Variants in FER1L5 observed in about 807,000 individuals in gnomAD.
FER1L5 encodes fer-1-like protein 5.
In FER1L5, 187 loss-of-function variants were observed where a neutral mutation model predicts 279.9. The ratio of observed to expected loss-of-function variants is 0.67; its 90% CI spans 0.59 to 0.75. FER1L5 has a LOEUF of 0.75. Among genes scored for constraint, FER1L5 ranks in the 30% least tolerant of loss-of-function variants. The pLI, the probability that FER1L5 is intolerant of heterozygous loss-of-function variation, is 0.00. For synonymous variants in FER1L5, 921 were observed against 989.7 expected (o/e 0.93, Z 1.30); for missense variants, 2,091 against 2,594.4 (o/e 0.81, Z 4.21).
In FER1L5 at chr2:96,702,322, A is replaced by T; in HGVS notation, c.5176A>T (p.Ile1726Phe). Reference protein sequence around the residue: ...RKPKRYELRCIIWKTANVDLV... With the variant: ...RKPKRYELRCFIWKTANVDLV... ...TGGCCACAGGTATGAGCTGCGATGC[A>T]TCATCTGGAAGACTGCCAATGTGGA... The change falls in exon 47 of 53, where the codon ATC becomes TTC. Residue 1726 changes from isoleucine to phenylalanine, a missense_variant. Physicochemically the swap from Ile to Phe is conservative, Grantham distance 21. Coordinates refer to ENST00000624922, the MANE Select transcript of FER1L5 (RefSeq NM_001293083.2). The surrounding 1 kb of genome is among the most constrained non-coding windows in gnomAD (Gnocchi z 4.0). The T allele has an allele frequency of 6.2e-7, 1 of 1,612,420 alleles. No homozygotes were observed. Among genetic ancestry groups the T allele is most frequent in the South Asian group, 1.1e-5 (1 of 90,530 alleles).
At chr2:96,703,498 T>C in intron 50 of FER1L5, 25 bp from the exon 51 acceptor site, 1 of 1,612,764 alleles carries the variant, frequency 6.2e-7, no homozygotes, top group East Asian at 2.2e-5. Context: ...GCACTCAGCC[T>C]CCCCCTCACC....
intron 44 of FER1L5, 31 bp from the exon 45 acceptor site, chr2:96,700,301 A>C (rs1205707496): frequency 6.2e-7 from 1 of 1,609,856 alleles, no homozygotes. Context: ...ATGACCTCGC[A>C]ATCCCCTCCT....
chr2:96,686,347 A>G lies in FER1L5; in HGVS notation c.2226A>G (p.Leu742=), dbSNP rs1334481290. The G allele has an allele frequency of 6.4e-7, 1 of 1,550,518 alleles. No homozygotes were observed. The highest frequency in any genetic ancestry group is 8.7e-7 in the Non-Finnish European group (1 of 1,146,514). Residue 742 remains leucine, a synonymous_variant, in exon 23 of 53, where the codon CTA becomes CTG. Coordinates refer to ENST00000624922, the MANE Select transcript of FER1L5 (RefSeq NM_001293083.2). ...RLCGKIQTLF[L]QYPEGEGQKD... is the part of the protein sequence containing the mutation. ...GTGGGAAGATACAGACACTCTTCCT[A>G]CAGGTGGGAATCAGGGACTCCTCAG... is the stretch of plus-strand genomic sequence containing the variant.
At position 96,691,806 on chromosome 2, in the gene FER1L5, G is replaced by A. The variant is rs979622286; in HGVS notation, c.3076-19G>A. 1.3e-6 allele frequency: 2 copies of A among 1,551,666 alleles called. No homozygotes were observed. Among genetic ancestry groups the A allele is most frequent in the Non-Finnish European group, 1.7e-6 (2 of 1,146,990 alleles). ...GGAGCAGCACCCAAGAGCCTCAGGG[G>A]AGACTGTCCTGGGTACAGGCTATGG... On this transcript the variant is annotated intron_variant, in intron 29 of 52. Transcript: ENST00000624922. The surrounding 1 kb of genome is among the most constrained non-coding windows in gnomAD (Gnocchi z 6.0).
rs916437324 is a variant in FER1L5 at position 96,704,484 on chromosome 2, G to A, written c.5966G>A (p.Ser1989Asn). 5.6e-6 allele frequency: 9 copies of A among 1,613,810 alleles called. No homozygotes were observed. The African/African-American group carries it at 9.4e-5, about 17-fold the overall frequency. ...TCTCTCTAGCACTATTTGGCCATGA[G>A]CTGGATCAAACCTCAACTTCAGCTG... is the stretch of plus-strand genomic sequence containing the variant. ...IYSAPHYLAMSWIKPQLQLYP... is the reference protein window; with the variant it reads ...IYSAPHYLAMNWIKPQLQLYP... The change falls in exon 53 of 53, where the codon AGC becomes AAC. Residue 1989 changes from serine (S) to asparagine (N), a missense_variant. By Grantham distance (46) the Ser-to-Asn change is conservative (BLOSUM62 1). Coordinates refer to ENST00000624922, the MANE Select transcript of FER1L5 (RefSeq NM_001293083.2).
rs922254963 is a variant in FER1L5 at position 96,662,226 on chromosome 2, T to A, written c.1030T>A (p.Ser344Thr). 6.4e-7 allele frequency: 1 copy of A among 1,551,592 alleles called. No individual in the cohort carries two copies. Among genetic ancestry groups the A allele is most frequent in the Non-Finnish European group, 8.7e-7 (1 of 1,146,960 alleles). Reference protein sequence around the residue: ...AEDLHLKKHQSVNPQLEVELI... With the variant: ...AEDLHLKKHQTVNPQLEVELI... ...CTTGTTGTTCATAGAGAAACACCAG[T>A]CAGTGAATCCTCAGTTGGAGGTGGA... is the stretch of plus-strand genomic sequence containing the variant. Residue 344 changes from serine to threonine, a missense_variant, in exon 13 of 53, where the codon TCA (serine) becomes ACA (threonine). Ser to Thr is a moderately conservative substitution (Grantham distance 58). Transcript: ENST00000624922.
Position 96,691,908 on chromosome 2 carries a change from C to G in FER1L5, c.3159C>G (p.Pro1053=), listed in dbSNP as rs1356137293. ...PWGLDRQFRD[P]QRQDTRPPNL... is the part of the protein sequence containing the mutation. ...GTCTGGACAGACAGTTCAGGGACCC[C>G]CAGAGGCAGGACACCCGGCCCCCCA... Residue 1053 remains proline (P), a synonymous_variant, in exon 30 of 53, where the codon CCC becomes CCG. Transcript: ENST00000624922. This position sits in a 1 kb window ranked among gnomAD's most constrained non-coding sequence, Gnocchi z 6.0. 11 of 1,551,078 alleles carry G rather than the reference C, an allele frequency of 7.1e-6. No homozygotes were observed. The highest frequency in any genetic ancestry group is 9.6e-6 in the Non-Finnish European group (11 of 1,146,944).
chr2:96,699,916 C>A lies in FER1L5; in HGVS notation c.4782-16C>A. 1 of 1,612,780 alleles carries A rather than the reference C, an allele frequency of 6.2e-7. No individual in the cohort carries two copies. ...GACCCAAACCTCCAGACCTCTTCCT[C>A]TCACATCCCCCACAGGTCAGGGCCC... On this transcript the variant is annotated splice_polypyrimidine_tract_variant and intron_variant, in intron 43 of 52. Coordinates refer to ENST00000624922, the MANE Select transcript of FER1L5 (RefSeq NM_001293083.2).
At chr2:96,656,697 G>A (rs2075612827) in intron 9 of FER1L5, among the ~76,000 whole-genome samples, 1 of 151,116 alleles carries the variant, frequency 6.6e-6, no homozygotes, top group Non-Finnish European at 1.5e-5. Context: ...TGGTTAATAT[G>A]CATTTTAGTT....
intron 8 of FER1L5, 93 bp downstream of exon 8, chr2:96,653,795 A>G (rs2075482576): frequency 8.4e-6 from 8 of 950,820 alleles, no homozygotes; most frequent in Non-Finnish European, 1.3e-5. Flanking sequence ...CCTTAGAGCC[A>G]GGGGCACTTC....
chr2:96,691,297 T>C lies in FER1L5; in HGVS notation c.2851T>C (p.Phe951Leu). The C allele has an allele frequency of 1.3e-6, 2 of 1,550,524 alleles. No individual in the cohort carries two copies. The highest frequency in any genetic ancestry group is 2.4e-5 in the South Asian group (2 of 84,046). ...CCGCCGGCGCTGGGCGCGTGTGCGC[T>C]TCAGGAACCATGGGGAGCTGAGCCA... ...CRRRRWARVRFRNHGELSHEQ... is the reference protein window; with the variant it reads ...CRRRRWARVRLRNHGELSHEQ... The change falls in exon 28 of 53, where the codon TTC (phenylalanine) becomes CTC (leucine). Residue 951 changes from phenylalanine to leucine, a missense_variant. Transcript: ENST00000624922. The surrounding 1 kb of genome is among the most constrained non-coding windows in gnomAD (Gnocchi z 6.0).
chr2:96,644,935 T>C (rs2075053011), intron 1 of FER1L5, among the ~76,000 whole-genome samples: 1 of 152,214 alleles, frequency 6.6e-6, no homozygotes, highest in African/African-American at 2.4e-5. Context: ...GCACCATCTT[T>C]CTCATTCCAG....
chr2:96,678,465 G>T (rs555598842), intron 19 of FER1L5, among the ~76,000 whole-genome samples: 1 of 148,696 alleles, frequency 6.7e-6, no homozygotes, highest in South Asian at 2.2e-4. Flanking sequence ...ACAGGGTCTC[G>T]CTCTGACACC....
At chr2:96,660,695 C>T (rs2075920859) in intron 10 of FER1L5, among the ~76,000 whole-genome samples, 1 of 152,310 alleles carries the variant, frequency 6.6e-6, no homozygotes, top group African/African-American at 2.4e-5. Context: ...GCTGGGATTA[C>T]AGGCATGTGC....
rs1418450945 is a variant in FER1L5, at chr2:96,649,692, G to A, written c.394+15G>A. 1 of 1,551,320 alleles carries A rather than the reference G, an allele frequency of 6.4e-7. No homozygotes were observed. The highest frequency in any genetic ancestry group is 8.7e-7 in the Non-Finnish European group (1 of 1,146,768). On this transcript the variant is annotated intron_variant, in intron 5 of 52. Coordinates refer to ENST00000624922, the MANE Select transcript of FER1L5 (RefSeq NM_001293083.2). ...TGAGAAGACAGGTATGTCCTTCCCT[G>A]GAGCTTACCCTTAAGGGCCTACCCT...
rs936177309 is a variant in FER1L5, at chr2:96,694,199, G to A, written c.3636+127G>A. 7.3e-7 allele frequency: 1 copy of A among 1,375,352 alleles called. No individual in the cohort carries two copies. The highest frequency in any genetic ancestry group is 9.7e-7 in the Non-Finnish European group (1 of 1,035,044). 85.2% of individuals were successfully genotyped at this position (1,375,352 alleles called of 1,614,324 possible). A position where few individuals can be genotyped will look rare whatever the true frequency, so the allele number is the denominator to read the frequency against. The stretch of plus-strand genomic sequence containing the variant: ...TGGGGCCCAGGATCCCGAGCTGTGG[G>A]CTTGGTGACGCTGGCCTGACCAGCC... On this transcript the variant is annotated intron_variant, in intron 33 of 52. Transcript: ENST00000624922. The surrounding 1 kb of genome is among the most constrained non-coding windows in gnomAD (Gnocchi z 4.6).
chr2:96,654,741 T>C, intron 9 of FER1L5: 1 of 222,358 alleles, frequency 4.5e-6, no homozygotes. Flanking sequence ...CTACTAGAAA[T>C]ACAAAAAATT....
chr2:96,646,976 G>A, intron 2 of FER1L5, 88 bp from the exon 3 acceptor site: 1 of 1,349,604 alleles, frequency 7.4e-7, no homozygotes, highest in Non-Finnish European at 1.0e-6. Context: ...TGCAGTGCCA[G>A]CCCGTTCCCC....
chr2:96,647,906 G>T lies in FER1L5; in HGVS notation c.339+20G>T. 1 of 1,536,942 alleles carries T rather than the reference G, an allele frequency of 6.5e-7. No homozygotes were observed. Among genetic ancestry groups the T allele is most frequent in the Non-Finnish European group, 8.8e-7 (1 of 1,133,538 alleles). ...ACAGATGTGAGTCAGGCCCAGGAAG[G>T]CCCAGGCAGGGTGGCTGGAGGAATG... On this transcript the variant is annotated intron_variant, in intron 4 of 52. Transcript: ENST00000624922.
Sources: gnomAD v4.1 joint callset for allele counts (sites outside exome capture counted in the v4.1 genomes callset) on GRCh38, gnomAD v4.1.1 for gene constraint, Gnocchi (gnomAD v3.1) non-coding constraint, MANE v1.5 for transcripts, NCBI Gene and HGNC (gene_info 2026-07-23, HGNC 2026-07-21) for gene names.